HECW1: variants seen among roughly 807,000 people sequenced by gnomAD.
HECW1 encodes E3 ubiquitin-protein ligase HECW1.
A neutral mutation model predicts 182.3 loss-of-function variants in HECW1; 61 were observed. The ratio of observed to expected loss-of-function variants is 0.33; its 90% confidence interval spans 0.27 to 0.41. HECW1 has a LOEUF of 0.41. HECW1 is among the 10% of genes least tolerant of loss of function. The pLI, the probability that HECW1 is intolerant of heterozygous loss-of-function variation, is 1.00. For missense variants in HECW1, 1,739 were observed against 2,108.9 expected, an observed-to-expected ratio of 0.82 and a Z score of 3.44; for synonymous variants, 859 against 832.6, an observed-to-expected ratio of 1.03 and a Z score of -0.55.
intron 3 of HECW1, among the ~76,000 whole-genome samples, chr7:43,285,474 A>G (rs1195275882): frequency 6.6e-6 from 1 of 152,186 alleles, no homozygotes; most frequent in Non-Finnish European, 1.5e-5. Flanking sequence ...TTGGACTGTA[A>G]CCATTCATCA....
chr7:43,462,895 C>T (rs1490149916), intron 13 of HECW1, among the ~76,000 whole-genome samples: 1 of 152,252 alleles, frequency 6.6e-6, no homozygotes, highest in African/African-American at 2.4e-5. Flanking sequence ...CTGTGTCCCA[C>T]ATACCTCTTG....
chr7:43,556,473 G>A (rs902200778), intron 29 of HECW1, among the ~76,000 whole-genome samples: 1 of 152,134 alleles, frequency 6.6e-6, no homozygotes, highest in Non-Finnish European at 1.5e-5. Context: ...GATAGCTTGC[G>A]CCCAAGAGTT....
intron 5 of HECW1, among the ~76,000 whole-genome samples, chr7:43,321,524 C>A (rs567104523): frequency 2.0e-5 from 3 of 152,244 alleles, no homozygotes; most frequent in Non-Finnish European, 4.4e-5. Flanking sequence ...CACAGCTTAC[C>A]TTCAGTCCAC....
chr7:43,221,542 T>TG (rs1194254200), intron 2 of HECW1, among the ~76,000 whole-genome samples: 4 of 20,386 alleles, frequency 2.0e-4, no homozygotes, highest in African/African-American at 4.5e-4. Flanking sequence ...ATTAGGTTTT[T>TG]TTTTTTTTTT....
intron 16 of HECW1, among the ~76,000 whole-genome samples, chr7:43,478,984 T>C (rs2078320400): frequency 6.6e-6 from 1 of 152,228 alleles, no homozygotes; most frequent in Non-Finnish European, 1.5e-5. Context: ...AGGCACAGTG[T>C]CCTGTTCCCC....
At chr7:43,176,298 G>A (rs1792241192) in intron 2 of HECW1, among the ~76,000 whole-genome samples, 1 of 152,124 alleles carries the variant, frequency 6.6e-6, no homozygotes. Context: ...TCAGTCAGAA[G>A]GAGTATACAA....
Position 43,444,458 on chromosome 7 carries a change from G to C in HECW1, c.1286G>C (p.Gly429Ala). ...GTCATCACGGAGGCAGGAGACCAGGGCATGGTCTCTGTGGGACCTGAAGGG... is the reference window on the plus strand; with the variant it reads ...GTCATCACGGAGGCAGGAGACCAGGCCATGGTCTCTGTGGGACCTGAAGGG... The part of the protein sequence containing the change: ...AAVITEAGDQ[G>A]MVSVGPEGAG... The change falls in exon 11 of 30, where the codon GGC becomes GCC. Residue 429 changes from glycine to alanine, a missense_variant. By Grantham distance (60) the Gly-to-Ala change is moderately conservative (BLOSUM62 0). Coordinates refer to ENST00000395891, the MANE Select transcript of HECW1 (RefSeq NM_015052.5). The surrounding 1 kb of genome is among the most constrained non-coding windows in gnomAD (Gnocchi z 4.3). The C allele has an allele frequency of 1.9e-6, 3 of 1,613,542 alleles. No homozygotes were observed. The highest frequency in any genetic ancestry group is 2.5e-6 in the Non-Finnish European group (3 of 1,179,782).
intron 8 of HECW1, among the ~76,000 whole-genome samples, chr7:43,412,260 T>C (rs118158858): frequency 4.5e-4 from 68 of 152,204 alleles, no homozygotes; most frequent in Non-Finnish European, 7.1e-4. Context: ...GTGATCTTTC[T>C]TGTTATAGTT....
chr7:43,283,062 G>A (rs1804127288), intron 3 of HECW1, among the ~76,000 whole-genome samples: 1 of 151,778 alleles, frequency 6.6e-6, no homozygotes, highest in African/African-American at 2.4e-5. Flanking sequence ...AGGTTGCAGT[G>A]AGCCGAGATC....
At chr7:43,335,970 C>CCT (rs145924973) in intron 5 of HECW1, among the ~76,000 whole-genome samples, 17 of 136,050 alleles carry the variant, frequency 1.2e-4, no homozygotes, top group Admixed American at 5.3e-4. Context: ...CCTTCCTTTC[C>CCT]CTCTCTCTCT....
Position 43,444,136 on chromosome 7 carries a change from T to A in HECW1, c.1046-82T>A. On this transcript the variant is annotated intron_variant, in intron 10 of 29. Transcript: ENST00000395891. The surrounding 1 kb of genome is among the most constrained non-coding windows in gnomAD (Gnocchi z 4.3). ...TCCTAATGTAGAAATCCCTTAGTGA[T>A]GGCTTACATGTCCCACAGGGTATCC... 1 of 1,364,446 alleles carries A rather than the reference T, an allele frequency of 7.3e-7. No individual in the cohort carries two copies. Among genetic ancestry groups the A allele is most frequent in the South Asian group, 1.4e-5 (1 of 71,092 alleles). The allele number at this position is 1,364,446 out of a possible 1,614,324, so 84.5% of individuals were successfully genotyped here.
chr7:43,461,453 C>T (rs988596735), intron 13 of HECW1, among the ~76,000 whole-genome samples: 1 of 152,188 alleles, frequency 6.6e-6, no homozygotes, highest in Non-Finnish European at 1.5e-5. Context: ...ATCGTTGAAC[C>T]ATTTTGAGAA....
chr7:43,306,542 T>G (rs1807596043), intron 3 of HECW1, among the ~76,000 whole-genome samples: 1 of 152,194 alleles, frequency 6.6e-6, no homozygotes, highest in Non-Finnish European at 1.5e-5. Flanking sequence ...TTCTATAACC[T>G]CATCTTATAT....
At chr7:43,298,921 A>G (rs1272670177) in intron 3 of HECW1, among the ~76,000 whole-genome samples, 1 of 152,240 alleles carries the variant, frequency 6.6e-6, no homozygotes, top group Non-Finnish European at 1.5e-5. Context: ...TACAAGGTAA[A>G]AAATGGAAAA....
intron 3 of HECW1, chr7:43,274,049 C>T: frequency 3.4e-6 from 1 of 297,768 alleles, no homozygotes; most frequent in Non-Finnish European, 6.1e-6. Flanking sequence ...CGGGGTTTTG[C>T]CATGTTGACC....
chr7:43,353,327 A>T (rs1424540403), intron 5 of HECW1, among the ~76,000 whole-genome samples: 1 of 152,190 alleles, frequency 6.6e-6, no homozygotes, highest in Non-Finnish European at 1.5e-5. Context: ...AGATCAATTT[A>T]TAATCAAGTT....
chr7:43,264,277 C>T (rs1350589726), intron 3 of HECW1, among the ~76,000 whole-genome samples: 2 of 152,202 alleles, frequency 1.3e-5, no homozygotes, highest in East Asian at 1.9e-4. Flanking sequence ...TACCATTCTA[C>T]TCTCTGCTTC....
rs528416184 is a variant in HECW1, at chr7:43,230,317, C to T, written c.-31-13558C>T. ...GCTGAGGCCAGAGAATCACTTGAAC[C>T]CTGGAGGCAGAGGTTGCAATGAGCC... On this transcript the variant is annotated intron_variant, in intron 2 of 29. Transcript: ENST00000395891. Among the ~76,000 whole-genome samples, 4 of 152,236 alleles carry T rather than the reference C, an allele frequency of 2.6e-5. No individual in the cohort carries two copies. In the East Asian group the frequency reaches 7.7e-4, roughly 29 times the overall value.
intron 5 of HECW1, among the ~76,000 whole-genome samples, chr7:43,326,648 G>A (rs1810830616): frequency 6.6e-6 from 1 of 152,150 alleles, no homozygotes; most frequent in African/African-American, 2.4e-5. Flanking sequence ...GAGGAAACAG[G>A]GCAGGATCGT....
Sources: allele counts gnomAD v4.1 joint callset (sites outside exome capture counted in the v4.1 genomes callset), GRCh38; gene constraint gnomAD v4.1.1; non-coding constraint Gnocchi (gnomAD v3.1); transcripts MANE v1.5; gene names NCBI Gene and HGNC (gene_info 2026-07-23, HGNC 2026-07-21).